ADGRL3: variants seen among roughly 807,000 people sequenced by gnomAD.
ADGRL3 encodes the protein calcium-independent alpha-latrotoxin receptor 3.
ADGRL3 carries 62 observed loss-of-function variants against 153.5 expected under a neutral mutation model. The observed-to-expected ratio is 0.40, with a 90% CI of 0.33 to 0.50. The LOEUF (loss-of-function observed/expected upper bound fraction) is 0.50, where lower values mean the gene tolerates loss of function less well. ADGRL3 is among the 20% of genes least tolerant of loss of function. The probability of loss-of-function intolerance (pLI) is 0.47; values close to 1 mark genes in which losing one functional copy is unlikely to be tolerated. For synonymous variants in ADGRL3, 710 were observed against 672.5 expected (o/e 1.06, Z -0.86); for missense variants, 1,641 against 1,859.4 (o/e 0.88, Z 2.16).
chr4:61,287,327 A>T (rs1259146282), intron 1 of ADGRL3, among the ~76,000 whole-genome samples: 1 of 151,894 alleles, frequency 6.6e-6, no homozygotes, highest in Admixed American at 6.6e-5. Flanking sequence ...AATACATTTG[A>T]TGATGTTGTT....
intron 2 of ADGRL3, among the ~76,000 whole-genome samples, chr4:61,489,590 A>G (rs764854838): frequency 6.6e-6 from 1 of 152,066 alleles, no homozygotes; most frequent in Non-Finnish European, 1.5e-5. Flanking sequence ...CTCAAATAGC[A>G]TAATGACTGC....
At chr4:61,290,646 TAAAGGAAGGAAGGAAG>T (rs1418912460) in intron 1 of ADGRL3, among the ~76,000 whole-genome samples, 3 of 124,340 alleles carry the variant, frequency 2.4e-5, no homozygotes, top group Non-Finnish European at 3.3e-5. Flanking sequence ...CATCTCAATA[TAAAGGAAGGAAGGAAG>T]AAAGGAAGGA....
rs1311740882 is a variant in ADGRL3, at chr4:61,869,960, A to AAG, written c.1481-22682_1481-22681dup. Reference sequence around the variant, plus strand: ...TTAAAAAAAAAAAAAAAAAAAAAAAAAGAGAGAGAGAGAGAAAGAGAGAGA... The same window carrying AAG: ...TTAAAAAAAAAAAAAAAAAAAAAAAAAGAGAGAGAGAGAGAGAAAGAGAGAGA... On this transcript the variant is annotated intron_variant, in intron 9 of 26. Coordinates refer to ENST00000683033, the MANE Select transcript of ADGRL3 (RefSeq NM_001387552.1). Among the ~76,000 whole-genome samples the AAG allele has an allele frequency of 7.6e-3, 768 of 101,358 alleles. 1 individual carries two copies. Among genetic ancestry groups the AAG allele is most frequent in the East Asian group, 0.011 (43 of 3,790 alleles). 66.5% of individuals were successfully genotyped at this position (101,358 alleles called of 152,430 possible). A position where few individuals can be genotyped will look rare whatever the true frequency, so the allele number is the denominator to read the frequency against.
intron 1 of ADGRL3, among the ~76,000 whole-genome samples, chr4:61,236,532 T>C (rs1248277406): frequency 2.0e-5 from 3 of 152,130 alleles, no homozygotes; most frequent in Non-Finnish European, 2.9e-5. Flanking sequence ...CTTTTATTTC[T>C]TTTTTTGTCC....
chr4:61,372,905 G>A (rs546060703), intron 1 of ADGRL3, among the ~76,000 whole-genome samples: 2 of 152,358 alleles, frequency 1.3e-5, no homozygotes, highest in East Asian at 1.9e-4. Flanking sequence ...GACCCTCCGA[G>A]CCAGGTGCGG....
At chr4:61,450,860 T>A (rs1312015498) in intron 2 of ADGRL3, among the ~76,000 whole-genome samples, 1 of 152,036 alleles carries the variant, frequency 6.6e-6, no homozygotes, top group African/African-American at 2.4e-5. Context: ...AAGACGAGGC[T>A]TTATCAAATG....
At chr4:61,417,421 G>A (rs994977176) in intron 2 of ADGRL3, among the ~76,000 whole-genome samples, 4 of 151,942 alleles carry the variant, frequency 2.6e-5, no homozygotes, top group Non-Finnish European at 5.9e-5. Flanking sequence ...CCAGGAGGTC[G>A]AGGTTGCAGT....
chr4:61,220,181 T>A (rs1392221273), intron 1 of ADGRL3, among the ~76,000 whole-genome samples: 1 of 152,146 alleles, frequency 6.6e-6, no homozygotes, highest in Non-Finnish European at 1.5e-5. Flanking sequence ...TCTTTTAGTC[T>A]TTTCATAAGC....
chr4:61,443,664 A>G (rs1050302421), intron 2 of ADGRL3, among the ~76,000 whole-genome samples: 1 of 152,122 alleles, frequency 6.6e-6, no homozygotes, highest in Non-Finnish European at 1.5e-5. Context: ...TGGGAGCAGT[A>G]TACAATCTAT....
In ADGRL3 at chr4:61,248,503, T is replaced by G. The variant is rs141877845; in HGVS notation, c.-240+46738T>G. On this transcript the variant is annotated intron_variant, in intron 1 of 26. Coordinates refer to ENST00000683033, the MANE Select transcript of ADGRL3 (RefSeq NM_001387552.1). ...CTAAACAGCAAATACTAGGTTAATA[T>G]TATAATATTGAATGTCTTTTGGTAT... is the stretch of plus-strand genomic sequence containing the variant. Among the ~76,000 whole-genome samples, 439 of 152,220 alleles carry G rather than the reference T, an allele frequency of 2.9e-3. 4 individuals carry two copies. The highest frequency in any genetic ancestry group is 0.01 in the African/African-American group (418 of 41,548).
intron 1 of ADGRL3, among the ~76,000 whole-genome samples, chr4:61,342,596 G>A (rs564978282): frequency 2.6e-5 from 4 of 151,948 alleles, no homozygotes; most frequent in East Asian, 1.9e-4. Context: ...TTGACAAGCC[G>A]TGCTCTTTTG....
chr4:61,717,352 A>G (rs1435079603), intron 6 of ADGRL3, among the ~76,000 whole-genome samples: 1 of 152,050 alleles, frequency 6.6e-6, no homozygotes, highest in Non-Finnish European at 1.5e-5. Context: ...GTGCTACTTC[A>G]TTTCCTGGGT....
intron 8 of ADGRL3, among the ~76,000 whole-genome samples, chr4:61,734,131 A>G (rs1325130695): frequency 6.6e-6 from 1 of 152,236 alleles, no homozygotes; most frequent in Non-Finnish European, 1.5e-5. Context: ...CAATTTGTAT[A>G]AGACATTGCA....
chr4:61,741,010 G>C (rs1020731745), intron 8 of ADGRL3, among the ~76,000 whole-genome samples: 5 of 152,182 alleles, frequency 3.3e-5, no homozygotes, highest in African/African-American at 1.2e-4. Context: ...TCCAGTAAAA[G>C]CTGTGGCTGT....
chr4:61,836,437 A>AT (rs898022158), intron 9 of ADGRL3, among the ~76,000 whole-genome samples: 5 of 151,928 alleles, frequency 3.3e-5, no homozygotes, highest in Admixed American at 6.6e-5. Flanking sequence ...TCCACTGGAT[A>AT]TTTTTTTTCT....
At chr4:61,798,106 G>T (rs988946944) in intron 8 of ADGRL3, among the ~76,000 whole-genome samples, 5 of 152,074 alleles carry the variant, frequency 3.3e-5, no homozygotes, top group African/African-American at 1.2e-4. Context: ...CACCTTATGG[G>T]CAAGTAGGGT....
At chr4:61,613,277 G>C (rs1023027792) in intron 5 of ADGRL3, among the ~76,000 whole-genome samples, 4 of 152,052 alleles carry the variant, frequency 2.6e-5, no homozygotes, top group African/African-American at 9.7e-5. Context: ...TTAAATGAGA[G>C]TATAATTTTT....
At position 61,208,703 on chromosome 4, in the gene ADGRL3, T is replaced by C. The variant is rs192264996; in HGVS notation, c.-240+6938T>C. ...GTTAGCTTGAGCTAAGTTTGAAGTT[T>C]GATAGTGAATGTGAATGCCCAATTA... is the stretch of plus-strand genomic sequence containing the variant. On this transcript the variant is annotated intron_variant, in intron 1 of 26. Coordinates refer to ENST00000683033, the MANE Select transcript of ADGRL3 (RefSeq NM_001387552.1). Among the ~76,000 whole-genome samples the C allele has an allele frequency of 6.1e-3, 925 of 152,322 alleles. 2 individuals are homozygous for C. Among genetic ancestry groups the C allele is most frequent in the Non-Finnish European group, 0.01 (695 of 68,014 alleles).
At chr4:61,315,849 A>C (rs952300906) in intron 1 of ADGRL3, among the ~76,000 whole-genome samples, 2 of 152,204 alleles carry the variant, frequency 1.3e-5, no homozygotes, top group African/African-American at 2.4e-5. Context: ...GAACTTGTAG[A>C]CTAAGTTTGC....
Sources: allele counts gnomAD v4.1 joint callset (sites outside exome capture counted in the v4.1 genomes callset), GRCh38; gene constraint gnomAD v4.1.1; transcripts MANE v1.5; gene names NCBI Gene and HGNC (gene_info 2026-07-23, HGNC 2026-07-21).